IL17F: variants seen among roughly 807,000 people sequenced by gnomAD.
IL17F encodes the protein interleukin-17F.
In IL17F, 6 loss-of-function variants were observed where a neutral mutation model predicts 8.3. That is an observed-to-expected ratio of 0.73 (90% CI 0.40 to 1.43). IL17F has a LOEUF of 1.43. Ranked by LOEUF, IL17F falls within the 40% of genes most tolerant of loss-of-function variation. The pLI, the probability that IL17F is intolerant of heterozygous loss-of-function variation, is 0.02. For synonymous variants in IL17F, 98 were observed against 81.6 expected, an observed-to-expected ratio of 1.20 and a Z score of -1.08; for missense variants, 204 against 209.6, an observed-to-expected ratio of 0.97 and a Z score of 0.17.
At chr6:52,239,934 AT>A (rs200374645) in intron 1 of IL17F, among the ~76,000 whole-genome samples, 1,617 of 152,142 alleles carry the variant, frequency 0.011, 32 homozygotes, top group African/African-American at 0.037. Context: ...GCTCTGGAGC[AT>A]TTTTTTTATA....
chr6:52,245,393 G>A (rs574254081), upstream of IL17F, among the ~76,000 whole-genome samples: 26 of 152,296 alleles, frequency 1.7e-4, no homozygotes, highest in South Asian at 4.6e-3. Context: ...CCCACAAACC[G>A]CTTGAGTTTG....
upstream of IL17F, among the ~76,000 whole-genome samples, chr6:52,245,275 A>T (rs751078634): frequency 6.6e-6 from 1 of 152,246 alleles, no homozygotes; most frequent in Non-Finnish European, 1.5e-5. Flanking sequence ...AGGTAGAGTC[A>T]GATCCCACAG....
At chr6:52,242,991 T>C (rs985320693) in intron 1 of IL17F, among the ~76,000 whole-genome samples, 3 of 152,128 alleles carry the variant, frequency 2.0e-5, no homozygotes, top group Non-Finnish European at 4.4e-5. Context: ...CACCATACAG[T>C]TGAGGAAACG....
rs571390206 is a variant in IL17F at position 52,238,725 on chromosome 6, C to G, written c.254+5G>C. The G allele has an allele frequency of 7.5e-5, 121 of 1,611,818 alleles. 1 individual carries two copies. The South Asian group carries it at 1.2e-3, about 16-fold the overall frequency. On this transcript the variant is annotated splice_donor_5th_base_variant and intron_variant, in intron 2 of 2. Coordinates refer to ENST00000336123, the MANE Select transcript of IL17F (RefSeq NM_052872.4). ...AATGTGAAAATCAGTCTCATTTGCA[C>G]TTACGTGTAATTCCAGGGGGAGGTG...
intron 1 of IL17F, among the ~76,000 whole-genome samples, chr6:52,243,264 G>A (rs1266828): frequency 0.75 from 113,936 of 152,150 alleles, 42,882 homozygotes; most frequent in East Asian, 0.82. Context: ...AATATGATGC[G>A]GGATTTCCTA....
chr6:52,244,393 T>C lies in IL17F; in HGVS notation c.33+4A>G. 6.2e-7 allele frequency: 1 copy of C among 1,613,528 alleles called. No individual in the cohort carries two copies. The highest frequency in any genetic ancestry group is 1.1e-5 in the South Asian group (1 of 91,076). On this transcript the variant is annotated splice_donor_region_variant and intron_variant, in intron 1 of 2. Transcript: ENST00000336123. ...CTTAAACCAGAATGATTGCTGCTAC[T>C]CACCATGGCTGGGCCATGCAGGGTC...
chr6:52,240,329 C>T (rs916507493), intron 1 of IL17F, among the ~76,000 whole-genome samples: 1 of 150,008 alleles, frequency 6.7e-6, no homozygotes, highest in African/African-American at 2.5e-5. Context: ...CCCAGCTACT[C>T]GGGAGGCTGA....
At position 52,237,058 on chromosome 6, in the gene IL17F, G is replaced by A. The variant is rs533677359; in HGVS notation, c.365C>T (p.Pro122Leu). 5 of 1,614,228 alleles carry A rather than the reference G, an allele frequency of 3.1e-6. No individual in the cohort carries two copies. In the East Asian group the frequency reaches 1.1e-4, roughly 36 times the overall value. The change falls in exon 3 of 3, where the codon CCC (proline) becomes CTC (leucine). Residue 122 changes from proline to leucine, a missense_variant. Coordinates refer to ENST00000336123, the MANE Select transcript of IL17F (RefSeq NM_052872.4). ...GKEDISMNSV[P>L]IQQETLVVRR... ...GACGACCAGGGTCTCTTGCTGGATGGGAACGGAATTCATGGAGATGTCTTC... is the reference window on the plus strand; with the variant it reads ...GACGACCAGGGTCTCTTGCTGGATGAGAACGGAATTCATGGAGATGTCTTC...
chr6:52,239,509 CCATTAAGGCCCAGCT>C (rs1424140483), intron 1 of IL17F, among the ~76,000 whole-genome samples: 2 of 152,170 alleles, frequency 1.3e-5, no homozygotes, highest in Non-Finnish European at 2.9e-5. Flanking sequence ...TCCTACCCTT[CCATTAAGGCCCAGCT>C]CAGATGTGAT....
At chr6:52,240,873 A>T (rs1764062423) in intron 1 of IL17F, among the ~76,000 whole-genome samples, 1 of 143,470 alleles carries the variant, frequency 7.0e-6, no homozygotes. Flanking sequence ...AGAAGCGATG[A>T]CTCTGTTTCC....
chr6:52,245,286 G>A (rs895416590), upstream of IL17F, among the ~76,000 whole-genome samples: 1 of 152,152 alleles, frequency 6.6e-6, no homozygotes, highest in Admixed American at 6.5e-5. Flanking sequence ...GATCCCACAG[G>A]CTGAAGGCTC....
At chr6:52,241,309 C>T (rs573106654) in intron 1 of IL17F, among the ~76,000 whole-genome samples, 73 of 152,130 alleles carry the variant, frequency 4.8e-4, no homozygotes, top group Non-Finnish European at 7.9e-4. Context: ...AACTCCTGAC[C>T]TCAAGTGATC....
rs1199664451 is a variant in IL17F at position 52,238,892 on chromosome 6, CG to C, written c.91del (p.Arg31GlyfsTer6). ...GLAFLSEAAA[R>X]KIPKVGHTFF... Reference sequence around the variant, plus strand: ...AGTATGTCCTACTTTGGGGATTTTCCGAGCTGCCGCCTCACTCAGAAAGGCA... The same window carrying C: ...AGTATGTCCTACTTTGGGGATTTTCCAGCTGCCGCCTCACTCAGAAAGGCA... On this transcript the variant is annotated frameshift_variant, in exon 2 of 3. Coordinates refer to ENST00000336123, the MANE Select transcript of IL17F (RefSeq NM_052872.4). LOFTEE classifies it high-confidence loss of function. The C allele has an allele frequency of 6.2e-7, 1 of 1,613,922 alleles. No homozygotes were observed. The highest frequency in any genetic ancestry group is 8.5e-7 in the Non-Finnish European group (1 of 1,179,918).
chr6:52,239,157 TAACTGAAGCCCTCCATAGTCTAAA>T lies in IL17F; in HGVS notation c.34-231_34-208del. The T allele has an allele frequency of 8.6e-6, 5 of 579,110 alleles. No homozygotes were observed. The South Asian group carries it at 1.0e-4, about 12-fold the overall frequency. The allele number at this position is 579,110 out of a possible 1,614,324, so 35.9% of individuals were successfully genotyped here. A position where few individuals can be genotyped will look rare whatever the true frequency, so the allele number is the denominator to read the frequency against. Reference sequence around the variant, plus strand: ...GAACTAAACTCAGTAGCCTAGCTAGTAACTGAAGCCCTCCATAGTCTAAAAGCTCCCAAACAGTGAGACAGAAAG... The same window carrying T: ...GAACTAAACTCAGTAGCCTAGCTAGTAGCTCCCAAACAGTGAGACAGAAAG... On this transcript the variant is annotated intron_variant, in intron 1 of 2. Transcript: ENST00000336123.
At chr6:52,243,816 G>A (rs1485995629) in intron 1 of IL17F, among the ~76,000 whole-genome samples, 2 of 152,094 alleles carry the variant, frequency 1.3e-5, no homozygotes, top group East Asian at 3.9e-4. Context: ...AGGATGGAGT[G>A]CAGTGGCGTG....
chr6:52,243,049 A>G (rs559756503), intron 1 of IL17F, among the ~76,000 whole-genome samples: 31 of 152,208 alleles, frequency 2.0e-4, no homozygotes, highest in Admixed American at 9.8e-4. Flanking sequence ...TACATTTAGC[A>G]AGCAGTGGAG....
In IL17F at chr6:52,244,484, T is replaced by C. The variant is rs370017046; in HGVS notation, c.-55A>G. 15 of 1,517,018 alleles carry C rather than the reference T, an allele frequency of 9.9e-6. No individual in the cohort carries two copies. The African/African-American group carries it at 2.1e-4, about 21-fold the overall frequency. The allele number at this position is 1,517,018 out of a possible 1,614,324, so 94.0% of individuals were successfully genotyped here. A position where few individuals can be genotyped will look rare whatever the true frequency, so the allele number is the denominator to read the frequency against. ...AGCTCTTTCTGTGAATGTATCTTCCTGTGTATGCCTGTGTTCTATCAATGA... is the reference window on the plus strand; with the variant it reads ...AGCTCTTTCTGTGAATGTATCTTCCCGTGTATGCCTGTGTTCTATCAATGA... On this transcript the variant is annotated 5_prime_UTR_variant, in exon 1 of 3. Coordinates refer to ENST00000336123, the MANE Select transcript of IL17F (RefSeq NM_052872.4).
upstream of IL17F, among the ~76,000 whole-genome samples, chr6:52,245,088 T>A (rs1424035645): frequency 6.6e-6 from 1 of 152,236 alleles, no homozygotes; most frequent in Non-Finnish European, 1.5e-5. Context: ...TCACTATTCA[T>A]TGTGTTGATA....
chr6:52,244,160 G>A (rs1443506614), intron 1 of IL17F, among the ~76,000 whole-genome samples: 2 of 152,156 alleles, frequency 1.3e-5, no homozygotes, highest in East Asian at 1.9e-4. Flanking sequence ...CTCCTAAAGT[G>A]CTGGGATTAC....
Sources: allele counts gnomAD v4.1 joint callset (sites outside exome capture counted in the v4.1 genomes callset), GRCh38; gene constraint gnomAD v4.1.1; transcripts MANE v1.5; gene names NCBI Gene and HGNC (gene_info 2026-07-23, HGNC 2026-07-21).